The following NRG1 variants were observed in gnomAD, a reference collection of about 807,000 sequenced individuals.
NRG1 encodes neuregulin 1.
In NRG1, 18 loss-of-function variants were observed where a neutral mutation model predicts 63.8. That is an observed-to-expected ratio of 0.28 (90% CI 0.19 to 0.42). The LOEUF (loss-of-function observed/expected upper bound fraction) is 0.42. Among genes scored for constraint, NRG1 ranks in the 10% least tolerant of loss-of-function variants. NRG1 has a pLI of 1.00. For missense variants in NRG1, 762 were observed against 814.7 expected (o/e 0.94, Z 0.79); for synonymous variants, 302 against 301.3 (o/e 1.00, Z -0.02).
chr8:32,703,071 G>T (rs1199541936), intron 5 of NRG1, among the ~76,000 whole-genome samples: 1 of 152,046 alleles, frequency 6.6e-6, no homozygotes, highest in Non-Finnish European at 1.5e-5. Context: ...AATTATATTT[G>T]TTTACAGAAA....
chr8:32,081,187 T>G (rs1182840467), intron 1 of NRG1, among the ~76,000 whole-genome samples: 2 of 152,164 alleles, frequency 1.3e-5, no homozygotes, highest in Non-Finnish European at 2.9e-5. Flanking sequence ...CACACTGAAC[T>G]GACCATTACA....
chr8:31,898,616 A>G (rs1563541223), intron 1 of NRG1, among the ~76,000 whole-genome samples: 1 of 152,194 alleles, frequency 6.6e-6, no homozygotes, highest in Non-Finnish European at 1.5e-5. Context: ...AGGTAGGAGA[A>G]TCACTTGAAT....
At chr8:31,896,394 C>G (rs774866203) in intron 1 of NRG1, among the ~76,000 whole-genome samples, 2 of 152,154 alleles carry the variant, frequency 1.3e-5, no homozygotes. Flanking sequence ...TTTCACTATC[C>G]GGGGACCCCA....
intron 6 of NRG1, among the ~76,000 whole-genome samples, chr8:32,734,598 A>C (rs1162290205): frequency 1.3e-5 from 2 of 152,174 alleles, no homozygotes; most frequent in Non-Finnish European, 2.9e-5. Context: ...GGTGGGACTC[A>C]TGTGGATCTA....
intron 1 of NRG1, among the ~76,000 whole-genome samples, chr8:31,673,231 G>A (rs192601679): frequency 1.8e-4 from 28 of 152,168 alleles, no homozygotes; most frequent in South Asian, 2.1e-4. Flanking sequence ...AAGAGAATCC[G>A]TATCATAAAT....
chr8:31,881,926 G>A (rs1043339408), intron 1 of NRG1, among the ~76,000 whole-genome samples: 8 of 152,144 alleles, frequency 5.3e-5, no homozygotes, highest in African/African-American at 1.9e-4. Context: ...GTGCAAGGTG[G>A]TGCAGCAAAT....
intron 1 of NRG1, among the ~76,000 whole-genome samples, chr8:32,448,025 A>T (rs1239065893): frequency 2.0e-5 from 3 of 152,174 alleles, no homozygotes; most frequent in African/African-American, 4.8e-5. Flanking sequence ...TTTAAAGTTT[A>T]GGTATTTCAT....
intron 1 of NRG1, among the ~76,000 whole-genome samples, chr8:32,476,832 G>A (rs890653739): frequency 5.3e-5 from 8 of 152,116 alleles, no homozygotes; most frequent in South Asian, 2.1e-4. Context: ...TGGCCCTGCC[G>A]TCTCTTGACC....
intron 1 of NRG1, among the ~76,000 whole-genome samples, chr8:32,298,456 A>G (rs1234199014): frequency 1.3e-5 from 2 of 152,188 alleles, no homozygotes; most frequent in African/African-American, 4.8e-5. Flanking sequence ...TTTCAACTAT[A>G]AAGCACAGAT....
chr8:31,640,502 G>A lies in NRG1; in HGVS notation c.37+1071G>A, dbSNP rs1323093824. 1 of 1,610,436 alleles carries A rather than the reference G, an allele frequency of 6.2e-7. No homozygotes were observed. The highest frequency in any genetic ancestry group is 1.7e-5 in the Admixed American group (1 of 59,844). ...CACCAGGTGTGGGCGGTGAAAGCCGGGGGCTTGAAGAAGGACTCGCTGCTC... is the reference window on the plus strand; with the variant it reads ...CACCAGGTGTGGGCGGTGAAAGCCGAGGGCTTGAAGAAGGACTCGCTGCTC... On this transcript the variant is annotated intron_variant, in intron 1 of 10. Transcript: ENST00000519301. This position sits in a 1 kb window ranked among gnomAD's most constrained non-coding sequence, Gnocchi z 6.3.
intron 1 of NRG1, among the ~76,000 whole-genome samples, chr8:31,986,536 G>A (rs1810100753): frequency 6.6e-6 from 1 of 152,104 alleles, no homozygotes; most frequent in Admixed American, 6.6e-5. Context: ...TTTCTGCAAA[G>A]TTATTGGAGA....
At chr8:32,063,431 C>T (rs1379043604) in intron 1 of NRG1, 1 of 152,186 alleles carries the variant, frequency 6.6e-6, no homozygotes, top group East Asian at 1.9e-4. Flanking sequence ...GGTAATTGCA[C>T]AATATACTGT....
intron 1 of NRG1, among the ~76,000 whole-genome samples, chr8:32,070,477 C>T (rs1825590136): frequency 6.6e-6 from 1 of 152,184 alleles, no homozygotes; most frequent in South Asian, 2.1e-4. Flanking sequence ...GAAATTTAGA[C>T]TCCTAGGAAA....
intron 1 of NRG1, among the ~76,000 whole-genome samples, chr8:31,780,019 C>T (rs942712363): frequency 3.9e-5 from 6 of 152,090 alleles, no homozygotes; most frequent in African/African-American, 1.4e-4. Context: ...AAGCAGACAC[C>T]TGAGGCTCTC....
chr8:31,725,527 G>A (rs928729200), intron 1 of NRG1, among the ~76,000 whole-genome samples: 1 of 152,036 alleles, frequency 6.6e-6, no homozygotes, highest in East Asian at 1.9e-4. Context: ...CACTTTTCCA[G>A]GCACAGCATT....
At chr8:32,197,578 A>C (rs1843085504) in intron 1 of NRG1, among the ~76,000 whole-genome samples, 1 of 152,210 alleles carries the variant, frequency 6.6e-6, no homozygotes, top group African/African-American at 2.4e-5. Context: ...AACTTGGATC[A>C]GGTCATCTCT....
chr8:32,382,677 T>A (rs527677620), intron 1 of NRG1, among the ~76,000 whole-genome samples: 1 of 152,290 alleles, frequency 6.6e-6, no homozygotes, highest in Admixed American at 6.5e-5. Flanking sequence ...AAGTTGCAAG[T>A]GGTCACAGCT....
At chr8:32,250,982 A>G (rs1017637139) in intron 1 of NRG1, among the ~76,000 whole-genome samples, 9 of 152,188 alleles carry the variant, frequency 5.9e-5, no homozygotes, top group Non-Finnish European at 1.0e-4. Context: ...GTTCATGTTA[A>G]TTGGAGGCAA....
At chr8:32,306,133 C>T (rs1856160806) in intron 1 of NRG1, among the ~76,000 whole-genome samples, 1 of 152,104 alleles carries the variant, frequency 6.6e-6, no homozygotes, top group Admixed American at 6.5e-5. Flanking sequence ...TCCATTTCAC[C>T]ATTTACTTTC....
Sources: allele counts gnomAD v4.1 joint callset (sites outside exome capture counted in the v4.1 genomes callset), GRCh38; gene constraint gnomAD v4.1.1; non-coding constraint Gnocchi (gnomAD v3.1); transcripts MANE v1.5; gene names NCBI Gene and HGNC (gene_info 2026-07-23, HGNC 2026-07-21).